Variants in AGAP1 observed in about 807,000 individuals in gnomAD.
The protein encoded by AGAP1 is arf-GAP with GTPase, ANK repeat and PH domain-containing protein 1.
Under a neutral mutation model 105.3 loss-of-function variants are expected in AGAP1, and 29 were observed. The ratio of observed to expected loss-of-function variants is 0.28; its 90% confidence interval spans 0.21 to 0.38. The LOEUF (loss-of-function observed/expected upper bound fraction) is 0.38, where lower values mean the gene tolerates loss of function less well. Ranked by LOEUF, AGAP1 falls within the 10% of genes least tolerant of loss-of-function variation. The probability of loss-of-function intolerance (pLI) is 1.00; values close to 1 mark genes in which losing one functional copy is unlikely to be tolerated. For synonymous variants in AGAP1, 509 were observed against 485.9 expected (o/e 1.05, Z -0.63); for missense variants, 998 against 1,165.1 (o/e 0.86, Z 2.09).
At chr2:235,852,804 G>A in intron 9 of AGAP1, 1 of 1,525,120 alleles carries the variant, frequency 6.6e-7, no homozygotes, top group South Asian at 1.3e-5. Context: ...AGCCCGCATT[G>A]TGCTGAAGGC....
rs1297347994 is a variant in AGAP1 at position 235,614,294 on chromosome 2, C to T, written c.164-94885C>T. Among the ~76,000 whole-genome samples, 2 of 151,936 alleles carry T rather than the reference C, an allele frequency of 1.3e-5. No individual in the cohort carries two copies. Among genetic ancestry groups the T allele is most frequent in the Admixed American group, 6.6e-5 (1 of 15,230 alleles). ...AGCGGGGAGGTGGCTGGTGCTGGAG[C>T]GTGTATAACAAAAGTGGGATCCGGA... On this transcript the variant is annotated intron_variant, in intron 1 of 17. Transcript: ENST00000304032. This position sits in a 1 kb window ranked among gnomAD's most constrained non-coding sequence, Gnocchi z 4.7.
intron 9 of AGAP1, among the ~76,000 whole-genome samples, chr2:235,828,657 T>C (rs781176601): frequency 2.0e-5 from 3 of 152,206 alleles, no homozygotes; most frequent in Non-Finnish European, 4.4e-5. Flanking sequence ...TTTGAGAGCA[T>C]GTTGCCCTAA....
At chr2:235,870,818 G>A (rs924171546) in intron 9 of AGAP1, among the ~76,000 whole-genome samples, 2 of 152,176 alleles carry the variant, frequency 1.3e-5, no homozygotes, top group Non-Finnish European at 2.9e-5. Context: ...ACTGACCCAT[G>A]TTTGCTACTA....
chr2:236,085,352 C>T (rs3768935), intron 16 of AGAP1, among the ~76,000 whole-genome samples: 6,311 of 152,132 alleles, frequency 0.041, 215 homozygotes, highest in East Asian at 0.16. Flanking sequence ...AAATCAGAAG[C>T]GTCCTTTGTT....
intron 1 of AGAP1, among the ~76,000 whole-genome samples, chr2:235,497,363 G>T (rs1256617370): frequency 6.6e-6 from 1 of 152,246 alleles, no homozygotes; most frequent in Non-Finnish European, 1.5e-5. Flanking sequence ...TGCAGGGGCA[G>T]AGAGCTGCCC....
Position 235,664,449 on chromosome 2 carries a change from C to T in AGAP1, c.164-44730C>T, listed in dbSNP as rs1948063401. 6.6e-6 allele frequency among the ~76,000 whole-genome samples: 1 copy of T among 152,124 alleles called. No individual in the cohort carries two copies. Among genetic ancestry groups the T allele is most frequent in the Non-Finnish European group, 1.5e-5 (1 of 68,026 alleles). On this transcript the variant is annotated intron_variant, in intron 1 of 17. Coordinates refer to ENST00000304032, the MANE Select transcript of AGAP1 (RefSeq NM_001037131.3). This position sits in a 1 kb window ranked among gnomAD's most constrained non-coding sequence, Gnocchi z 5.7. ...GCCAGGCTGGTCTCAAACTCCTGAT[C>T]TCAGGTGATCCACCTGCCTTGGCCT...
intron 1 of AGAP1, among the ~76,000 whole-genome samples, chr2:235,693,626 C>T (rs951410885): frequency 6.6e-6 from 1 of 152,066 alleles, no homozygotes; most frequent in Non-Finnish European, 1.5e-5. Flanking sequence ...GAAGCTGCGG[C>T]GGGAGGATCA....
chr2:235,629,529 G>C (rs1383930622), intron 1 of AGAP1, among the ~76,000 whole-genome samples: 1 of 151,896 alleles, frequency 6.6e-6, no homozygotes, highest in Admixed American at 6.6e-5. Flanking sequence ...CAGCACAGGG[G>C]CCAGGTGTCC....
chr2:236,013,802 TGGG>T (rs2056601786), intron 13 of AGAP1, among the ~76,000 whole-genome samples: 2 of 152,222 alleles, frequency 1.3e-5, no homozygotes, highest in Non-Finnish European at 2.9e-5. Context: ...CCCTGTGACC[TGGG>T]GCTGTGCCTT....
chr2:235,757,095 T>C (rs1219872500), intron 6 of AGAP1, among the ~76,000 whole-genome samples: 1 of 152,268 alleles, frequency 6.6e-6, no homozygotes, highest in Non-Finnish European at 1.5e-5. Flanking sequence ...TAAGCTTGTA[T>C]TCATATGACC....
At chr2:235,770,075 T>G (rs1252970963) in intron 6 of AGAP1, among the ~76,000 whole-genome samples, 9 of 151,952 alleles carry the variant, frequency 5.9e-5, no homozygotes, top group Non-Finnish European at 1.5e-5. Context: ...TCACCTATAA[T>G]CCCACCTCCT....
At chr2:235,990,967 C>A (rs1237778811) in intron 13 of AGAP1, among the ~76,000 whole-genome samples, 2 of 152,184 alleles carry the variant, frequency 1.3e-5, no homozygotes, top group East Asian at 3.9e-4. Context: ...ACCGAGGAGA[C>A]CACATAGCAC....
intron 16 of AGAP1, among the ~76,000 whole-genome samples, chr2:236,052,295 A>G (rs1241523748): frequency 1.3e-5 from 2 of 152,144 alleles, no homozygotes; most frequent in African/African-American, 4.8e-5. Context: ...ATAATTAGAA[A>G]TGCGTCGTTC....
intron 11 of AGAP1, among the ~76,000 whole-genome samples, chr2:235,920,302 T>C (rs7579969): frequency 0.78 from 118,124 of 152,100 alleles, 45,964 homozygotes; most frequent in East Asian, 0.98. Flanking sequence ...ATTGTACCAA[T>C]TGCCACATGA....
chr2:235,702,400 A>T (rs553990641), intron 1 of AGAP1, among the ~76,000 whole-genome samples: 1 of 152,316 alleles, frequency 6.6e-6, no homozygotes, highest in East Asian at 1.9e-4. Flanking sequence ...GCACCGCTGG[A>T]CAGGAGCTGC....
intron 1 of AGAP1, among the ~76,000 whole-genome samples, chr2:235,511,344 G>A (rs1003420559): frequency 6.6e-6 from 1 of 152,202 alleles, no homozygotes; most frequent in African/African-American, 2.4e-5. Flanking sequence ...CCGCCCTCTC[G>A]GTGAGCAAGG....
intron 1 of AGAP1, among the ~76,000 whole-genome samples, chr2:235,667,526 C>G (rs1559325979): frequency 6.6e-6 from 1 of 152,110 alleles, no homozygotes; most frequent in Non-Finnish European, 1.5e-5. Context: ...AGCTGTGTAG[C>G]CCTGGGGAGG....
rs185359578 is a variant in AGAP1 at position 235,936,574 on chromosome 2, A to G, written c.1483+5651A>G. Among the ~76,000 whole-genome samples the G allele has an allele frequency of 3.9e-4, 60 of 152,344 alleles. No homozygotes were observed. Among genetic ancestry groups the G allele is most frequent in the African/African-American group, 1.4e-3 (59 of 41,580 alleles). On this transcript the variant is annotated intron_variant, in intron 12 of 17. Coordinates refer to ENST00000304032, the MANE Select transcript of AGAP1 (RefSeq NM_001037131.3). The surrounding 1 kb of genome is among the most constrained non-coding windows in gnomAD (Gnocchi z 4.7). ...ATTTGAACCACACTTTCCAGCAAGC[A>G]TGTCCACACCATTCATCAATTTTAA... is the stretch of plus-strand genomic sequence containing the variant.
intron 1 of AGAP1, among the ~76,000 whole-genome samples, chr2:235,540,937 A>G (rs1033806487): frequency 1.3e-5 from 2 of 152,178 alleles, no homozygotes; most frequent in Non-Finnish European, 2.9e-5. Flanking sequence ...ATGGCTCTCT[A>G]TGTGGTCATT....
Sources: gnomAD v4.1 joint callset for allele counts (sites outside exome capture counted in the v4.1 genomes callset) on GRCh38, gnomAD v4.1.1 for gene constraint, Gnocchi (gnomAD v3.1) non-coding constraint, MANE v1.5 for transcripts, NCBI Gene and HGNC (gene_info 2026-07-23, HGNC 2026-07-21) for gene names.